MANBA: variants seen among roughly 807,000 people sequenced by gnomAD.
MANBA encodes beta-mannosidase.
A neutral mutation model predicts 111.1 loss-of-function variants in MANBA; 83 were observed. That is an observed-to-expected ratio of 0.75 (90% CI 0.63 to 0.90). MANBA has a LOEUF of 0.90. MANBA is among the 40% of genes least tolerant of loss of function. The probability of loss-of-function intolerance (pLI) is 0.00; values close to 1 mark genes in which losing one functional copy is unlikely to be tolerated. For missense variants in MANBA, 1,036 were observed against 1,069.0 expected (o/e 0.97, Z 0.43); for synonymous variants, 370 against 378.7 (o/e 0.98, Z 0.27).
chr4:102,691,208 A>C (rs1011170039), intron 5 of MANBA, among the ~76,000 whole-genome samples: 1 of 152,138 alleles, frequency 6.6e-6, no homozygotes, highest in Non-Finnish European at 1.5e-5. Flanking sequence ...GTATAAATTT[A>C]TATGTATTAA....
rs117627866 is a variant in MANBA, at chr4:102,716,060, A to C, written c.550-1499T>G. Reference sequence around the variant, plus strand: ...CGCAGTGGCTCACGCATGTAATATCAACACTTTGGGAGGCCGAGGCGGGTG... The same window carrying C: ...CGCAGTGGCTCACGCATGTAATATCCACACTTTGGGAGGCCGAGGCGGGTG... On this transcript the variant is annotated intron_variant, in intron 4 of 16. Transcript: ENST00000647097. Among the ~76,000 whole-genome samples the C allele has an allele frequency of 1.9e-3, 294 of 152,210 alleles. 9 individuals are homozygous for C. In the East Asian group the frequency reaches 0.048, roughly 25 times the overall value.
At chr4:102,671,223 G>T in intron 9 of MANBA, 58 bp downstream of exon 9, 2 of 1,046,238 alleles carry the variant, frequency 1.9e-6, no homozygotes, top group Non-Finnish European at 3.0e-6. Context: ...CAGAACATTG[G>T]CAGTCAAACT....
chr4:102,658,402 A>T (rs1008842710), intron 11 of MANBA, among the ~76,000 whole-genome samples: 2 of 152,156 alleles, frequency 1.3e-5, no homozygotes, highest in African/African-American at 4.8e-5. Flanking sequence ...AATCACCATC[A>T]CTTGAGAACC....
At chr4:102,735,113 T>C (rs1210514489) in intron 1 of MANBA, among the ~76,000 whole-genome samples, 2 of 152,172 alleles carry the variant, frequency 1.3e-5, no homozygotes, top group Non-Finnish European at 2.9e-5. Context: ...GCCATGGCCA[T>C]GCAATGTTAG....
rs185957022 is a variant in MANBA, at chr4:102,631,507, T to C, written c.*550A>G. 505 of 380,314 alleles carry C rather than the reference T, an allele frequency of 1.3e-3. 3 individuals are homozygous for C. The highest frequency in any genetic ancestry group is 9.4e-3 in the African/African-American group (454 of 48,406). 23.6% of individuals were successfully genotyped at this position (380,314 alleles called of 1,614,324 possible). Reference sequence around the variant, plus strand: ...GAAATATCAAGTTGTCAATGTAATTTATATAACTTTTATTTTTATATAATT... The same window carrying C: ...GAAATATCAAGTTGTCAATGTAATTCATATAACTTTTATTTTTATATAATT... On this transcript the variant is annotated 3_prime_UTR_variant, in exon 17 of 17. Transcript: ENST00000647097.
At chr4:102,639,247 CT>C (rs1395027640) in intron 14 of MANBA, among the ~76,000 whole-genome samples, 4 of 152,040 alleles carry the variant, frequency 2.6e-5, no homozygotes, top group Non-Finnish European at 5.9e-5. Context: ...TCATTATGTC[CT>C]TAAAGGACAT....
intron 1 of MANBA, chr4:102,752,353 G>C: frequency 2.9e-6 from 4 of 1,365,226 alleles, no homozygotes; most frequent in Non-Finnish European, 3.1e-6. Context: ...CAGACTGTGG[G>C]ATCCCCGAAC....
At chr4:102,732,632 C>T (rs987648892) in intron 1 of MANBA, among the ~76,000 whole-genome samples, 1 of 152,196 alleles carries the variant, frequency 6.6e-6, no homozygotes, top group African/African-American at 2.4e-5. Flanking sequence ...TTTAAAACAA[C>T]ACGTAATCAC....
chr4:102,746,144 T>C (rs1723577826), intron 1 of MANBA, among the ~76,000 whole-genome samples: 1 of 152,138 alleles, frequency 6.6e-6, no homozygotes, highest in African/African-American at 2.4e-5. Context: ...AGCTGTTTCT[T>C]CTGGCAAAAA....
chr4:102,699,831 T>C (rs1220902789), intron 5 of MANBA, among the ~76,000 whole-genome samples: 3 of 150,852 alleles, frequency 2.0e-5, no homozygotes, highest in Non-Finnish European at 3.0e-5. Context: ...TTTTTGGTTG[T>C]GTCTCTGCCC....
At chr4:102,641,517 CTAT>C (rs1560742366) in intron 13 of MANBA, among the ~76,000 whole-genome samples, 1 of 152,132 alleles carries the variant, frequency 6.6e-6, no homozygotes, top group Non-Finnish European at 1.5e-5. Flanking sequence ...ATGGTTTTAG[CTAT>C]GAGCAGACAA....
At chr4:102,691,752 C>G (rs1467725092) in intron 5 of MANBA, among the ~76,000 whole-genome samples, 1 of 152,152 alleles carries the variant, frequency 6.6e-6, no homozygotes, top group Non-Finnish European at 1.5e-5. Context: ...AAGCAATCCT[C>G]CAGCCTCTAC....
rs993493853 is a variant in MANBA, at chr4:102,669,063, T to C, written c.1231-14A>G. On this transcript the variant is annotated splice_polypyrimidine_tract_variant and intron_variant, in intron 9 of 16. Coordinates refer to ENST00000647097, the MANE Select transcript of MANBA (RefSeq NM_005908.4). ...ATCCTGCCATACCTAGCAAATCAAA[T>C]AAAAGGGAATGCAACACTTCCATAA... The C allele has an allele frequency of 1.3e-6, 2 of 1,578,002 alleles. No individual in the cohort carries two copies. Among genetic ancestry groups the C allele is most frequent in the Admixed American group, 3.4e-5 (2 of 59,658 alleles).
chr4:102,756,179 G>A (rs1724004362), intron 1 of MANBA, among the ~76,000 whole-genome samples: 1 of 152,212 alleles, frequency 6.6e-6, no homozygotes, highest in African/African-American at 2.4e-5. Flanking sequence ...GCACATGTAT[G>A]TTTACTGCAG....
At position 102,730,086 on chromosome 4, in the gene MANBA, G is replaced by A. The variant is rs1401714251; in HGVS notation, c.178-3403C>T. On this transcript the variant is annotated intron_variant, in intron 1 of 16. Transcript: ENST00000647097. Reference sequence around the variant, plus strand: ...GCCTGAGGAGCTTATCTGGACACTGGGCCCACTTGTGTAGGAGTGGCTGCT... The same window carrying A: ...GCCTGAGGAGCTTATCTGGACACTGAGCCCACTTGTGTAGGAGTGGCTGCT... 4 of 887,716 alleles carry A rather than the reference G, an allele frequency of 4.5e-6. No individual in the cohort carries two copies. The African/African-American group carries it at 6.7e-5, about 15-fold the overall frequency. 55.0% of individuals were successfully genotyped at this position (887,716 alleles called of 1,614,324 possible). A position where few individuals can be genotyped will look rare whatever the true frequency, so the allele number is the denominator to read the frequency against.
chr4:102,652,129 T>C (rs1036929240), intron 12 of MANBA, among the ~76,000 whole-genome samples: 13 of 152,292 alleles, frequency 8.5e-5, no homozygotes, highest in African/African-American at 3.1e-4. Context: ...TTCTAGCTAT[T>C]TGAAAATATA....
chr4:102,721,329 CATAAATAAATAA>C (rs57059616), intron 4 of MANBA, among the ~76,000 whole-genome samples: 2 of 151,012 alleles, frequency 1.3e-5, no homozygotes, highest in East Asian at 3.9e-4. Flanking sequence ...ATCTCAAATA[CATAAATAAATAA>C]ATAAATAAAT....
chr4:102,667,480 G>C (rs916208401), intron 10 of MANBA: 3 of 152,170 alleles, frequency 2.0e-5, no homozygotes, highest in African/African-American at 7.2e-5. Context: ...AATCTTGAAA[G>C]AGTGCACTGG....
intron 1 of MANBA, among the ~76,000 whole-genome samples, chr4:102,734,047 T>C (rs1281739372): frequency 2.6e-5 from 4 of 152,218 alleles, no homozygotes; most frequent in African/African-American, 9.6e-5. Context: ...TCATTATACA[T>C]TTGTCCAAAC....
Sources: gnomAD v4.1 joint callset for allele counts (sites outside exome capture counted in the v4.1 genomes callset) on GRCh38, gnomAD v4.1.1 for gene constraint, MANE v1.5 for transcripts, NCBI Gene and HGNC (gene_info 2026-07-23, HGNC 2026-07-21) for gene names.